The following ERMARD variants were observed in gnomAD, a reference collection of about 807,000 sequenced individuals.
ERMARD encodes the protein endoplasmic reticulum membrane-associated RNA degradation protein.
A neutral mutation model predicts 83.9 loss-of-function variants in ERMARD; 71 were observed. The observed-to-expected ratio is 0.85, with a 90% CI of 0.70 to 1.03. The LOEUF (loss-of-function observed/expected upper bound fraction) is 1.03. ERMARD is among the 50% of genes least tolerant of loss of function. ERMARD has a pLI of 0.00. For missense variants in ERMARD, 838 were observed against 810.9 expected (o/e 1.03, Z -0.41); for synonymous variants, 284 against 298.6 (o/e 0.95, Z 0.50).
chr6:169,773,350 T>A lies in ERMARD; in HGVS notation c.1265T>A (p.Leu422His). The change falls in exon 13 of 18, where the codon CTT becomes CAT. Residue 422 changes from leucine to histidine, a missense_variant. By Grantham distance (99) the Leu-to-His change is moderately conservative. Transcript: ENST00000366773. The stretch of plus-strand genomic sequence containing the variant: ...TCAGCCGTAGAATTGTTGATTAGTC[T>A]TGCAGAAGGCTATAGTTCTCGCTGT... ...EKSAVELLIS[L>H]AEGYSSRCHP... 1 of 1,614,184 alleles carries A rather than the reference T, an allele frequency of 6.2e-7. No homozygotes were observed. Among genetic ancestry groups the A allele is most frequent in the Non-Finnish European group, 8.5e-7 (1 of 1,180,020 alleles).
chr6:169,751,576 C>T (rs1403065416), upstream of ERMARD: 4 of 1,605,484 alleles, frequency 2.5e-6, no homozygotes, highest in Non-Finnish European at 3.4e-6. Context: ...AGGAAGTGCC[C>T]GCCAGGGCTC....
chr6:169,752,333 T>C (rs569730305), intron 1 of ERMARD, among the ~76,000 whole-genome samples: 25 of 152,312 alleles, frequency 1.6e-4, no homozygotes, highest in African/African-American at 5.8e-4. Context: ...TTTATTTCAC[T>C]TAGAACTGAG....
At chr6:169,769,891 C>T (rs1040157319) in intron 12 of ERMARD, among the ~76,000 whole-genome samples, 178 bp downstream of exon 12, 1 of 152,182 alleles carries the variant, frequency 6.6e-6, no homozygotes, top group Non-Finnish European at 1.5e-5. Context: ...TATCACAGAT[C>T]AATCAATATT....
intron 5 of ERMARD, 54 bp downstream of exon 5, chr6:169,756,862 G>A: frequency 6.7e-7 from 1 of 1,492,278 alleles, no homozygotes; most frequent in South Asian, 1.2e-5. Context: ...TCATGCTGCT[G>A]TTAAAGACAT....
At chr6:169,768,068 C>A in intron 10 of ERMARD, 35 bp from the exon 11 acceptor site, 1 of 1,545,204 alleles carries the variant, frequency 6.5e-7, no homozygotes, top group Non-Finnish European at 8.9e-7. Context: ...TGTATGGGGA[C>A]CAGTTAACCA....
upstream of ERMARD, chr6:169,751,611 C>T (rs1790091834): frequency 1.9e-6 from 3 of 1,583,788 alleles, no homozygotes; most frequent in Non-Finnish European, 2.6e-6. Flanking sequence ...GAGGGGCGCG[C>T]AGGCGCCTGC....
Position 169,755,364 on chromosome 6 carries a change from C to A in ERMARD, c.257C>A (p.Thr86Asn), listed in dbSNP as rs61735516. 2,991 of 1,614,124 alleles carry A rather than the reference C, an allele frequency of 1.9e-3. 47 individuals are homozygous for A. In the African/African-American group the frequency reaches 0.033, roughly 18 times the overall value. The change falls in exon 3 of 18, where the codon ACC (threonine) becomes AAC (asparagine). Residue 86 changes from threonine (T) to asparagine (N), a missense_variant. By Grantham distance (65) the Thr-to-Asn change is moderately conservative. Coordinates refer to ENST00000366773, the MANE Select transcript of ERMARD (RefSeq NM_018341.3). ...EAVHSHFLSL[T>N]KGQFEIRYAP... ...GTCCATTCACATTTCTTATCTCTGA[C>A]CAAGGGGCAATTTGAAATTCGATAT...
intron 12 of ERMARD, chr6:169,770,599 A>C (rs961705544): frequency 2.6e-5 from 4 of 152,008 alleles, no homozygotes; most frequent in Admixed American, 1.3e-4. Flanking sequence ...ATATATCAAT[A>C]AGGTTTTTTT....
chr6:169,751,825 T>A, intron 1 of ERMARD, 162 bp downstream of exon 1: 1 of 1,084,018 alleles, frequency 9.2e-7, no homozygotes. Flanking sequence ...CTGGCCTCTG[T>A]GGCGGTATCG....
intron 3 of ERMARD, 115 bp from the exon 4 acceptor site, chr6:169,756,223 G>GAAAAT: frequency 1.9e-6 from 1 of 515,032 alleles, no homozygotes; most frequent in Admixed American, 3.8e-5. Flanking sequence ...CTTATTCACT[G>GAAAAT]AAAATAAAAT....
chr6:169,771,687 A>G (rs943606371), intron 12 of ERMARD: 2 of 151,960 alleles, frequency 1.3e-5, no homozygotes, highest in African/African-American at 2.4e-5. Context: ...CTCAGGCGGG[A>G]AGCCTTAGAT....
intron 9 of ERMARD, among the ~76,000 whole-genome samples, chr6:169,765,871 A>G (rs1792129881): frequency 1.0e-5 from 1 of 100,166 alleles, no homozygotes; most frequent in Non-Finnish European, 2.0e-5. Context: ...GTCAAATCTC[A>G]CTGAAGTGAT....
intron 14 of ERMARD, among the ~76,000 whole-genome samples, chr6:169,775,699 T>C (rs906491963): frequency 2.0e-5 from 3 of 152,248 alleles, no homozygotes; most frequent in Admixed American, 2.0e-4. Flanking sequence ...CAGACATCCT[T>C]GTTCAGCAGG....
intron 12 of ERMARD, chr6:169,773,045 T>A: frequency 2.7e-6 from 1 of 365,838 alleles, no homozygotes; most frequent in East Asian, 4.2e-5. Context: ...TTTGGAATCT[T>A]TTTTTTCTTA....
chr6:169,781,586 G>A lies in ERMARD; in HGVS notation c.*73G>A. 2 of 1,397,570 alleles carry A rather than the reference G, an allele frequency of 1.4e-6. No homozygotes were observed. The highest frequency in any genetic ancestry group is 2.5e-5 in the East Asian group (1 of 40,650). 86.6% of individuals were successfully genotyped at this position (1,397,570 alleles called of 1,614,324 possible). A position where few individuals can be genotyped will look rare whatever the true frequency, so the allele number is the denominator to read the frequency against. ...TGTAAATTAAAAACCCAAAGACAGG[G>A]TGGAGTTGAGGGTCTGCTTGGCCAG... On this transcript the variant is annotated 3_prime_UTR_variant, in exon 18 of 18. Coordinates refer to ENST00000366773, the MANE Select transcript of ERMARD (RefSeq NM_018341.3).
intron 2 of ERMARD, 34 bp from the exon 3 acceptor site, chr6:169,755,249 T>A: frequency 6.2e-7 from 1 of 1,608,036 alleles, no homozygotes; most frequent in Non-Finnish European, 8.5e-7. Context: ...GATATGGAGC[T>A]ATGGTGCTGA....
At chr6:169,752,076 A>C in intron 1 of ERMARD, 1 of 205,264 alleles carries the variant, frequency 4.9e-6, no homozygotes, top group Non-Finnish European at 9.6e-6. Flanking sequence ...ATTTGTGTTC[A>C]TCGCCGGGCG....
intron 13 of ERMARD, among the ~76,000 whole-genome samples, chr6:169,774,334 G>C (rs1190513251): frequency 6.6e-6 from 1 of 152,220 alleles, no homozygotes; most frequent in Non-Finnish European, 1.5e-5. Context: ...ATCGGGCTGT[G>C]CTGGTCAGAT....
chr6:169,751,425 G>C, upstream of ERMARD: 1 of 1,614,142 alleles, frequency 6.2e-7, no homozygotes, highest in East Asian at 2.2e-5. Flanking sequence ...GTCTGGATGG[G>C]GCTCGACTTC....
Sources: allele counts gnomAD v4.1 joint callset (sites outside exome capture counted in the v4.1 genomes callset), GRCh38; gene constraint gnomAD v4.1.1; transcripts MANE v1.5; gene names NCBI Gene and HGNC (gene_info 2026-07-23, HGNC 2026-07-21).